The following NKAIN2 variants were observed in gnomAD, a reference collection of about 807,000 sequenced individuals.
NKAIN2 encodes sodium/potassium-transporting ATPase subunit beta-1-interacting protein 2.
Under a neutral mutation model 32.6 loss-of-function variants are expected in NKAIN2, and 14 were observed. That is an observed-to-expected ratio of 0.43 (90% CI 0.28 to 0.67). The LOEUF (loss-of-function observed/expected upper bound fraction) is 0.67, where lower values mean the gene tolerates loss of function less well. Ranked by LOEUF, NKAIN2 falls within the 30% of genes least tolerant of loss-of-function variation. The pLI is 0.17. For missense variants in NKAIN2, 198 were observed against 258.3 expected (o/e 0.77, Z 1.60); for synonymous variants, 80 against 87.2 (o/e 0.92, Z 0.46).
chr6:124,569,028 G>C (rs540840804), intron 3 of NKAIN2, among the ~76,000 whole-genome samples: 1 of 152,120 alleles, frequency 6.6e-6, no homozygotes, highest in South Asian at 2.1e-4. Context: ...AATTAATCCT[G>C]TCAATATTGC....
intron 4 of NKAIN2, among the ~76,000 whole-genome samples, chr6:124,785,914 A>G (rs1407281872): frequency 6.6e-6 from 1 of 152,126 alleles, no homozygotes; most frequent in Non-Finnish European, 1.5e-5. Context: ...TTACTTACTC[A>G]TGAGGCAGTG....
intron 1 of NKAIN2, among the ~76,000 whole-genome samples, chr6:123,929,078 A>G (rs981200271): frequency 6.6e-6 from 1 of 152,100 alleles, no homozygotes; most frequent in African/African-American, 2.4e-5. Context: ...TCCTTGGGAG[A>G]TGAAGGAAAG....
At chr6:123,894,411 G>A (rs558002091) in intron 1 of NKAIN2, among the ~76,000 whole-genome samples, 2 of 152,306 alleles carry the variant, frequency 1.3e-5, no homozygotes, top group South Asian at 2.1e-4. Context: ...TATGTTGATA[G>A]AGAAACAGAG....
chr6:124,731,874 T>A (rs1372186077), intron 4 of NKAIN2, among the ~76,000 whole-genome samples: 1 of 152,116 alleles, frequency 6.6e-6, no homozygotes, highest in Non-Finnish European at 1.5e-5. Flanking sequence ...GTCTATAAAC[T>A]ATTAGTAGTG....
At chr6:124,058,079 A>C (rs1161882071) in intron 1 of NKAIN2, among the ~76,000 whole-genome samples, 1 of 152,106 alleles carries the variant, frequency 6.6e-6, no homozygotes, top group Non-Finnish European at 1.5e-5. Context: ...CTTAGAGAGA[A>C]AACAGGTTTC....
In NKAIN2 at chr6:123,838,081, A is replaced by G. The variant is rs552604568; in HGVS notation, c.54+33827A>G. 7.9e-5 allele frequency among the ~76,000 whole-genome samples: 12 copies of G among 152,310 alleles called. No individual in the cohort carries two copies. In the East Asian group the frequency reaches 2.3e-3, roughly 29 times the overall value. On this transcript the variant is annotated intron_variant, in intron 1 of 6. Coordinates refer to ENST00000368417, the MANE Select transcript of NKAIN2 (RefSeq NM_001040214.3). ...AAGTTAGCCCTAAATAGGATTTTCC[A>G]GGAAAGAATGGCAGAGTACCTAATA...
chr6:124,290,510 ATGTGTGTGTGTGTGTGTGTG>A (rs56389666), intron 2 of NKAIN2, among the ~76,000 whole-genome samples: 4 of 137,872 alleles, frequency 2.9e-5, no homozygotes, highest in East Asian at 2.2e-4. Context: ...TACCTCAGAA[ATGTGTGTGTGTGTGTGTGTG>A]TGTGTGTGTG....
At chr6:124,358,519 A>G (rs1462623444) in intron 3 of NKAIN2, among the ~76,000 whole-genome samples, 1 of 152,164 alleles carries the variant, frequency 6.6e-6, no homozygotes, top group Admixed American at 6.5e-5. Flanking sequence ...CATTTCTCTG[A>G]TGGTCAGTGA....
At chr6:124,382,888 G>A (rs1772709561) in intron 3 of NKAIN2, among the ~76,000 whole-genome samples, 1 of 152,118 alleles carries the variant, frequency 6.6e-6, no homozygotes, top group Admixed American at 6.5e-5. Flanking sequence ...CCGTTACCAT[G>A]GCATCATGAT....
At chr6:124,562,426 A>G (rs940194742) in intron 3 of NKAIN2, among the ~76,000 whole-genome samples, 3 of 152,226 alleles carry the variant, frequency 2.0e-5, no homozygotes, top group African/African-American at 4.8e-5. Flanking sequence ...ATAGAAGAAA[A>G]TAAACAGATA....
chr6:123,807,411 T>G (rs1234707814), intron 1 of NKAIN2, among the ~76,000 whole-genome samples: 1 of 152,140 alleles, frequency 6.6e-6, no homozygotes, highest in African/African-American at 2.4e-5. Flanking sequence ...GGTAATTTTC[T>G]TTTTATCATT....
chr6:124,597,292 G>GACTAAAAA (rs1782131307), intron 3 of NKAIN2, among the ~76,000 whole-genome samples: 1 of 151,946 alleles, frequency 6.6e-6, no homozygotes, highest in Non-Finnish European at 1.5e-5. Context: ...AGCTGTCAAT[G>GACTAAAAA]ACTAAAAACG....
intron 2 of NKAIN2, among the ~76,000 whole-genome samples, chr6:124,342,668 C>A (rs1016683345): frequency 3.3e-5 from 5 of 151,650 alleles, no homozygotes; most frequent in Admixed American, 6.6e-5. Context: ...CCACCATGCC[C>A]AGCACATTTT....
At position 124,210,924 on chromosome 6, in the gene NKAIN2, C is replaced by T. The variant is rs1043035136; in HGVS notation, c.55-72081C>T. Among the ~76,000 whole-genome samples, 15 of 150,258 alleles carry T rather than the reference C, an allele frequency of 1.0e-4. 1 individual carries two copies. The highest frequency in any genetic ancestry group is 3.7e-4 in the African/African-American group (15 of 40,008). ...GACTTCCTCCTTTCCAATTTAGATA[C>T]TCTTTATTTACTTATCTTCTCTAAT... On this transcript the variant is annotated intron_variant, in intron 1 of 6. Transcript: ENST00000368417.
At chr6:123,813,821 A>G (rs1019076085) in intron 1 of NKAIN2, among the ~76,000 whole-genome samples, 60 of 151,466 alleles carry the variant, frequency 4.0e-4, no homozygotes, top group African/African-American at 1.3e-3. Flanking sequence ...TGTAGATTTG[A>G]TGATACATAG....
intron 1 of NKAIN2, among the ~76,000 whole-genome samples, chr6:123,839,909 T>C (rs1774797611): frequency 6.6e-6 from 1 of 152,046 alleles, no homozygotes; most frequent in Non-Finnish European, 1.5e-5. Flanking sequence ...AAGAAAACAA[T>C]ATACAAAGCA....
chr6:124,510,182 C>T lies in NKAIN2; in HGVS notation c.274-148004C>T, dbSNP rs763416252. ...AAAAAGATAATATTTATTTTTACAT[C>T]GAATGTTGGATTTCATAGAACCTTA... On this transcript the variant is annotated intron_variant, in intron 3 of 6. Transcript: ENST00000368417. 5.9e-5 allele frequency among the ~76,000 whole-genome samples: 9 copies of T among 151,440 alleles called. No homozygotes were observed. In the East Asian group the frequency reaches 7.7e-4, roughly 13 times the overall value.
Position 124,283,061 on chromosome 6 carries a change from C to T in NKAIN2, c.111C>T (p.Ile37=). The change falls in exon 2 of 7, where the codon ATC becomes ATT. Residue 37 remains isoleucine (I), a synonymous_variant. Coordinates refer to ENST00000368417, the MANE Select transcript of NKAIN2 (RefSeq NM_001040214.3). ...TCCTTGGATATCAGTGGGCACCTAT[C>T]CTGGCAAATTTTGTACATATTATTA... ...FDFLGYQWAP[I]LANFVHIIIV... 1.9e-6 allele frequency: 3 copies of T among 1,612,554 alleles called. No homozygotes were observed. The highest frequency in any genetic ancestry group is 1.3e-5 in the African/African-American group (1 of 74,966).
At chr6:124,363,529 A>C (rs1337227923) in intron 3 of NKAIN2, among the ~76,000 whole-genome samples, 1 of 152,240 alleles carries the variant, frequency 6.6e-6, no homozygotes, top group Non-Finnish European at 1.5e-5. Context: ...CAGGCTAAAA[A>C]TATAAATGGA....
Sources: allele counts gnomAD v4.1 joint callset (sites outside exome capture counted in the v4.1 genomes callset), GRCh38; gene constraint gnomAD v4.1.1; transcripts MANE v1.5; gene names NCBI Gene and HGNC (gene_info 2026-07-23, HGNC 2026-07-21).